The following PDCD10 variants were observed in gnomAD, a reference collection of about 807,000 sequenced individuals.
PDCD10 encodes the protein programmed cell death protein 10.
A neutral mutation model predicts 29.2 loss-of-function variants in PDCD10; 4 were observed. That is an observed-to-expected ratio of 0.14 (90% CI 0.07 to 0.31). PDCD10 has a LOEUF of 0.31. Among genes scored for constraint, PDCD10 ranks in the 10% least tolerant of loss-of-function variants. The pLI is 1.00. For missense variants in PDCD10, 183 were observed against 257.9 expected, an observed-to-expected ratio of 0.71 and a Z score of 1.99; for synonymous variants, 70 against 82.2, an observed-to-expected ratio of 0.85 and a Z score of 0.80.
rs1481911482 is a variant in PDCD10 at position 167,683,432 on chromosome 3, A to C, written c.*876T>G. On this transcript the variant is annotated 3_prime_UTR_variant, in exon 9 of 9. Transcript: ENST00000392750. ...GTTGAAGAGTGTATATAATATTAAC[A>C]CTCATGACAATTTCAATCCAACCGT... 1 of 151,936 alleles carries C rather than the reference A, an allele frequency of 6.6e-6. No homozygotes were observed. The highest frequency in any genetic ancestry group is 1.5e-5 in the Non-Finnish European group (1 of 67,910). 9.4% of individuals were successfully genotyped at this position (151,936 alleles called of 1,614,324 possible).
intron 6 of PDCD10, among the ~76,000 whole-genome samples, chr3:167,690,732 A>G (rs1201521788): frequency 6.6e-6 from 1 of 152,208 alleles, no homozygotes; most frequent in Admixed American, 6.5e-5. Flanking sequence ...CAATGTTATT[A>G]TAGCATGTAC....
intron 3 of PDCD10, among the ~76,000 whole-genome samples, chr3:167,715,489 G>GA (rs1314951717): frequency 6.6e-6 from 1 of 151,770 alleles, no homozygotes; most frequent in Non-Finnish European, 1.5e-5. Context: ...CAGAATGGGA[G>GA]AAAATTGCAA....
In PDCD10 at chr3:167,687,517, A is replaced by G; in HGVS notation, c.474+98T>C. The G allele has an allele frequency of 4.9e-6, 4 of 818,898 alleles. No homozygotes were observed. The East Asian group carries it at 1.0e-4, about 20-fold the overall frequency. The allele number at this position is 818,898 out of a possible 1,614,324, so 50.7% of individuals were successfully genotyped here. On this transcript the variant is annotated intron_variant, in intron 7 of 8. Coordinates refer to ENST00000392750, the MANE Select transcript of PDCD10 (RefSeq NM_007217.4). ...TAAACTCAATGGTTAATGACACAAA[A>G]CTATTTCCAACAATCAATCTTATTT...
At chr3:167,691,588 T>A (rs1206372849) in intron 6 of PDCD10, among the ~76,000 whole-genome samples, 1 of 152,168 alleles carries the variant, frequency 6.6e-6, no homozygotes, top group Admixed American at 6.5e-5. Context: ...AGGGACTCTG[T>A]AGGGGGAAAG....
intron 2 of PDCD10, among the ~76,000 whole-genome samples, chr3:167,720,587 A>C (rs1002750167): frequency 3.3e-5 from 5 of 152,048 alleles, no homozygotes; most frequent in Non-Finnish European, 7.4e-5. Context: ...CACCATATAC[A>C]ATCTAAGAGA....
intron 6 of PDCD10, among the ~76,000 whole-genome samples, chr3:167,689,996 G>A (rs971866784): frequency 2.6e-5 from 4 of 152,142 alleles, no homozygotes; most frequent in African/African-American, 4.8e-5. Flanking sequence ...TGTTTCCTAC[G>A]AGAGAAAATA....
rs536416321 is a variant in PDCD10 at position 167,706,927 on chromosome 3, C to CA, written c.97-2033dup. ...TCTCCATTTTACAAAGGAAGAAACT[C>CA]AGTTTGACTCTGAATCCTGTATACA... On this transcript the variant is annotated intron_variant, in intron 3 of 8. Coordinates refer to ENST00000392750, the MANE Select transcript of PDCD10 (RefSeq NM_007217.4). Among the ~76,000 whole-genome samples the CA allele has an allele frequency of 1.6e-4, 25 of 152,296 alleles. No homozygotes were observed. The East Asian group carries it at 4.4e-3, about 27-fold the overall frequency.
chr3:167,730,577 A>C (rs1455659648), intron 2 of PDCD10: 1 of 152,172 alleles, frequency 6.6e-6, no homozygotes, highest in Non-Finnish European at 1.5e-5. Context: ...AGTATTACCA[A>C]ATTTTAAAGC....
intron 6 of PDCD10, chr3:167,694,262 T>C (rs1720564382): frequency 1.1e-5 from 2 of 178,792 alleles, no homozygotes; most frequent in South Asian, 2.2e-4. Context: ...AAAACATGCA[T>C]TTACAACATA....
intron 2 of PDCD10, among the ~76,000 whole-genome samples, chr3:167,725,763 TTATATATATATATATATA>T (rs67647566): frequency 0.036 from 2,772 of 77,150 alleles, 168 homozygotes; most frequent in East Asian, 0.18. Flanking sequence ...ATTGTATCGT[TTATATATATATATATATA>T]TATATATATA....
At chr3:167,691,255 GTGGT>G (rs1365997284) in intron 6 of PDCD10, among the ~76,000 whole-genome samples, 2 of 152,154 alleles carry the variant, frequency 1.3e-5, no homozygotes, top group Admixed American at 6.5e-5. Flanking sequence ...CTATTCATAT[GTGGT>G]TGAATTTTAG....
chr3:167,726,501 AG>A (rs1179734522), intron 2 of PDCD10, among the ~76,000 whole-genome samples: 1 of 152,158 alleles, frequency 6.6e-6, no homozygotes, highest in Non-Finnish European at 1.5e-5. Context: ...TCAGTTTGGA[AG>A]GAAAAAAACC....
At chr3:167,710,431 C>G (rs1376307495) in intron 3 of PDCD10, among the ~76,000 whole-genome samples, 1 of 152,058 alleles carries the variant, frequency 6.6e-6, no homozygotes, top group African/African-American at 2.4e-5. Context: ...GCAGAACTCC[C>G]CATGTGCCAG....
intron 2 of PDCD10, among the ~76,000 whole-genome samples, chr3:167,723,300 G>A (rs1196933029): frequency 2.0e-5 from 3 of 152,232 alleles, no homozygotes; most frequent in Non-Finnish European, 4.4e-5. Flanking sequence ...GAAACAGCAA[G>A]GGTTGGCTGA....
In PDCD10 at chr3:167,683,872, C is replaced by T. The variant is rs199518977; in HGVS notation, c.*436G>A. The T allele has an allele frequency of 1.8e-5, 3 of 163,542 alleles. No homozygotes were observed. Among genetic ancestry groups the T allele is most frequent in the Admixed American group, 5.9e-5 (1 of 16,910 alleles). 10.1% of individuals were successfully genotyped at this position (163,542 alleles called of 1,614,324 possible). A position where few individuals can be genotyped will look rare whatever the true frequency, so the allele number is the denominator to read the frequency against. On this transcript the variant is annotated 3_prime_UTR_variant, in exon 9 of 9. Coordinates refer to ENST00000392750, the MANE Select transcript of PDCD10 (RefSeq NM_007217.4). Reference sequence around the variant, plus strand: ...ATATATATATATATATATATACACACATATATATATGCATTTTTTCAAGTA... The same window carrying T: ...ATATATATATATATATATATACACATATATATATATGCATTTTTTCAAGTA...
At chr3:167,703,400 G>A (rs1721639400) in intron 4 of PDCD10, among the ~76,000 whole-genome samples, 1 of 151,962 alleles carries the variant, frequency 6.6e-6, no homozygotes, top group Non-Finnish European at 1.5e-5. Context: ...AATCAAAAAA[G>A]CTCTATTCTA....
chr3:167,685,396 CAAAAAAA>C (rs1184281849), intron 8 of PDCD10, among the ~76,000 whole-genome samples: 17 of 55,978 alleles, frequency 3.0e-4, no homozygotes, highest in African/African-American at 1.2e-3. Flanking sequence ...ACTCTGTCTC[CAAAAAAA>C]AAAAAAAAAA....
chr3:167,705,046 G>A, intron 3 of PDCD10, 151 bp from the exon 4 acceptor site: 3 of 524,934 alleles, frequency 5.7e-6, no homozygotes, highest in South Asian at 5.5e-5. Flanking sequence ...TCTTCAATTA[G>A]GCTATCAAAA....
intron 2 of PDCD10, among the ~76,000 whole-genome samples, chr3:167,724,281 G>A (rs1304486108): frequency 2.6e-5 from 4 of 152,162 alleles, no homozygotes; most frequent in Non-Finnish European, 4.4e-5. Context: ...CACTTAAAAC[G>A]TTTGTAGGCA....
Sources: gnomAD v4.1 joint callset for allele counts (sites outside exome capture counted in the v4.1 genomes callset) on GRCh38, gnomAD v4.1.1 for gene constraint, MANE v1.5 for transcripts, NCBI Gene and HGNC (gene_info 2026-07-23, HGNC 2026-07-21) for gene names.